The following CHST11 variants were observed in gnomAD, a reference collection of about 807,000 sequenced individuals.
The protein encoded by CHST11 is carbohydrate sulfotransferase 11, also known as C4S-1.
In CHST11, 9 loss-of-function variants were observed where a neutral mutation model predicts 30.4. That is an observed-to-expected ratio of 0.30 (90% CI 0.18 to 0.52). CHST11 has a LOEUF of 0.52. CHST11 is among the 20% of genes least tolerant of loss of function. CHST11 has a pLI of 0.97. For synonymous variants in CHST11, 152 were observed against 187.8 expected, an observed-to-expected ratio of 0.81 and a Z score of 1.56; for missense variants, 348 against 460.6, an observed-to-expected ratio of 0.76 and a Z score of 2.24.
At chr12:104,618,830 G>C (rs900974408) in intron 2 of CHST11, among the ~76,000 whole-genome samples, 1 of 152,202 alleles carries the variant, frequency 6.6e-6, no homozygotes, top group Non-Finnish European at 1.5e-5. Flanking sequence ...ATTCAGTCCA[G>C]CTCTGGAGCT....
intron 2 of CHST11, among the ~76,000 whole-genome samples, chr12:104,700,275 T>C (rs2136112733): frequency 6.6e-6 from 1 of 152,318 alleles, no homozygotes; most frequent in Middle Eastern, 3.4e-3. Flanking sequence ...TTAAAAATAC[T>C]GATAGAATAA....
chr12:104,723,215 T>A (rs2040192075), intron 2 of CHST11, among the ~76,000 whole-genome samples: 1 of 152,180 alleles, frequency 6.6e-6, no homozygotes, highest in Non-Finnish European at 1.5e-5. Flanking sequence ...TATTTAATAC[T>A]CACGATATCC....
At chr12:104,634,572 T>G (rs781591195) in intron 2 of CHST11, among the ~76,000 whole-genome samples, 1 of 152,190 alleles carries the variant, frequency 6.6e-6, no homozygotes, top group Non-Finnish European at 1.5e-5. Flanking sequence ...GTCTCTCCCC[T>G]CTTCAACTTC....
chr12:104,663,731 C>T (rs926583005), intron 2 of CHST11, among the ~76,000 whole-genome samples: 7 of 152,134 alleles, frequency 4.6e-5, no homozygotes, highest in African/African-American at 1.2e-4. Context: ...CTGTTTGGGT[C>T]GCTTTAATGT....
At chr12:104,735,555 A>G (rs1370414255) in intron 2 of CHST11, among the ~76,000 whole-genome samples, 1 of 152,224 alleles carries the variant, frequency 6.6e-6, no homozygotes, top group Non-Finnish European at 1.5e-5. Flanking sequence ...AGTGAGGAAT[A>G]TGGTGAGGTC....
chr12:104,739,946 T>A (rs112879744), intron 2 of CHST11, among the ~76,000 whole-genome samples: 5,393 of 152,274 alleles, frequency 0.035, 115 homozygotes, highest in Non-Finnish European at 0.056. Flanking sequence ...CTCCGCAGAG[T>A]TCCAGACATC....
chr12:104,747,006 G>A (rs1399949117), intron 2 of CHST11, among the ~76,000 whole-genome samples: 1 of 152,210 alleles, frequency 6.6e-6, no homozygotes, highest in Non-Finnish European at 1.5e-5. Flanking sequence ...CACCACTCCA[G>A]TCCAGTTCTT....
chr12:104,560,529 A>G (rs1208259850), intron 1 of CHST11, among the ~76,000 whole-genome samples: 1 of 152,186 alleles, frequency 6.6e-6, no homozygotes, highest in Non-Finnish European at 1.5e-5. Flanking sequence ...AGGGGTGGGA[A>G]GAGACGGTCA....
intron 1 of CHST11, among the ~76,000 whole-genome samples, chr12:104,567,479 T>A (rs2038579655): frequency 6.6e-6 from 1 of 152,146 alleles, no homozygotes; most frequent in Non-Finnish European, 1.5e-5. Flanking sequence ...CTTCCTTTAT[T>A]TCCTTTTGTC....
At chr12:104,734,818 C>CA (rs1481651484) in intron 2 of CHST11, among the ~76,000 whole-genome samples, 1 of 152,200 alleles carries the variant, frequency 6.6e-6, no homozygotes. Context: ...AGACAAAAGA[C>CA]AGATAATATG....
chr12:104,540,763 G>A (rs948785222), intron 1 of CHST11, among the ~76,000 whole-genome samples: 6 of 152,134 alleles, frequency 3.9e-5, no homozygotes, highest in African/African-American at 1.4e-4. Context: ...ATGAGGGCTG[G>A]AGGCAAAGCC....
intron 1 of CHST11, among the ~76,000 whole-genome samples, chr12:104,570,879 C>T (rs774281235): frequency 7.2e-5 from 11 of 151,956 alleles, no homozygotes; most frequent in African/African-American, 1.9e-4. Context: ...TTAGTAGAGA[C>T]GGAGTTTCGC....
chr12:104,615,088 C>T (rs1592795095), intron 2 of CHST11, among the ~76,000 whole-genome samples: 1 of 152,312 alleles, frequency 6.6e-6, no homozygotes. Flanking sequence ...GGGCCTGCCG[C>T]AGGCCATAGC....
chr12:104,674,550 C>T (rs2039723065), intron 2 of CHST11, among the ~76,000 whole-genome samples: 1 of 152,210 alleles, frequency 6.6e-6, no homozygotes, highest in Non-Finnish European at 1.5e-5. Context: ...CCTCTTGAGT[C>T]CAGCAGCTCT....
At position 104,469,815 on chromosome 12, in the gene CHST11, C is replaced by A. The variant is rs185455999; in HGVS notation, c.118+12286C>A. Among the ~76,000 whole-genome samples, 8 of 152,334 alleles carry A rather than the reference C, an allele frequency of 5.3e-5. No homozygotes were observed. In the East Asian group the frequency reaches 1.5e-3, roughly 29 times the overall value. On this transcript the variant is annotated intron_variant, in intron 1 of 2. Transcript: ENST00000303694. The stretch of plus-strand genomic sequence containing the variant: ...TGGGCTAGGCCCGGCATTCTTCAAC[C>A]TGAGGCCAGGCTCACATTTGAAATA...
intron 2 of CHST11, among the ~76,000 whole-genome samples, chr12:104,697,526 T>G (rs1393755841): frequency 3.3e-5 from 5 of 152,166 alleles, no homozygotes; most frequent in Admixed American, 3.3e-4. Context: ...TTCTCCAGCT[T>G]GCCAATGACA....
rs181000145 is a variant in CHST11, at chr12:104,496,675, G to A, written c.118+39146G>A. Reference sequence around the variant, plus strand: ...TTTTGTGAACATTTTTCTTATTTTGGTGCTATGAAATGAAGTCTCTGTCAA... The same window carrying A: ...TTTTGTGAACATTTTTCTTATTTTGATGCTATGAAATGAAGTCTCTGTCAA... On this transcript the variant is annotated intron_variant, in intron 1 of 2. Coordinates refer to ENST00000303694, the MANE Select transcript of CHST11 (RefSeq NM_018413.6). Among the ~76,000 whole-genome samples, 6 of 152,012 alleles carry A rather than the reference G, an allele frequency of 3.9e-5. No homozygotes were observed. In the East Asian group the frequency reaches 9.7e-4, roughly 25 times the overall value.
chr12:104,498,661 G>T (rs778986324), intron 1 of CHST11, among the ~76,000 whole-genome samples: 11 of 152,150 alleles, frequency 7.2e-5, no homozygotes, highest in Admixed American at 1.3e-4. Flanking sequence ...TCACATCTGG[G>T]TTATCCAACT....
intron 1 of CHST11, among the ~76,000 whole-genome samples, chr12:104,530,821 G>A (rs2038176116): frequency 6.6e-6 from 1 of 152,218 alleles, no homozygotes; most frequent in African/African-American, 2.4e-5. Flanking sequence ...GGTGGTGGAA[G>A]CCAAGTTTCT....
Sources: allele counts gnomAD v4.1 joint callset (sites outside exome capture counted in the v4.1 genomes callset), GRCh38; gene constraint gnomAD v4.1.1; transcripts MANE v1.5; gene names NCBI Gene and HGNC (gene_info 2026-07-23, HGNC 2026-07-21).